The following GHR variants were observed in gnomAD, a reference collection of about 807,000 sequenced individuals.
The protein encoded by GHR is GH receptor.
GHR carries 35 observed loss-of-function variants against 67.1 expected under a neutral mutation model. That is an observed-to-expected ratio of 0.52 (90% CI 0.40 to 0.69). The LOEUF (loss-of-function observed/expected upper bound fraction) is 0.69. Among genes scored for constraint, GHR ranks in the 30% least tolerant of loss-of-function variants. The probability of loss-of-function intolerance (pLI) is 0.00; values close to 1 mark genes in which losing one functional copy is unlikely to be tolerated. For synonymous variants in GHR, 272 were observed against 269.1 expected, an observed-to-expected ratio of 1.01 and a Z score of -0.10; for missense variants, 792 against 764.6, an observed-to-expected ratio of 1.04 and a Z score of -0.42.
At chr5:42,674,621 T>A (rs1756478971) in intron 3 of GHR, among the ~76,000 whole-genome samples, 1 of 152,200 alleles carries the variant, frequency 6.6e-6, no homozygotes, top group Admixed American at 6.5e-5. Flanking sequence ...GCCTTTTATG[T>A]CTGACTTCTA....
At position 42,444,982 on chromosome 5, in the gene GHR, T is replaced by C. The variant is rs550012202; in HGVS notation, c.-12+21027T>C. Among the ~76,000 whole-genome samples the C allele has an allele frequency of 1.6e-4, 24 of 152,322 alleles. No individual in the cohort carries two copies. In the South Asian group the frequency reaches 5.0e-3, roughly 32 times the overall value. Reference sequence around the variant, plus strand: ...AGGATCTATGTCTACAGCCTCCCCTTTAGCCTCACTCCAGTATCTTGCAGG... The same window carrying C: ...AGGATCTATGTCTACAGCCTCCCCTCTAGCCTCACTCCAGTATCTTGCAGG... On this transcript the variant is annotated intron_variant, in intron 1 of 9. Transcript: ENST00000230882.
rs1390119357 is a variant in GHR, at chr5:42,468,736, C to A, written c.-12+44781C>A. The A allele has an allele frequency of 3.0e-6, 3 of 1,002,940 alleles. No individual in the cohort carries two copies. In the East Asian group the frequency reaches 7.5e-5, roughly 25 times the overall value. 62.1% of individuals were successfully genotyped at this position (1,002,940 alleles called of 1,614,324 possible). A position where few individuals can be genotyped will look rare whatever the true frequency, so the allele number is the denominator to read the frequency against. Reference sequence around the variant, plus strand: ...GCCGCTCTTGGCCCCAGAGACGCCGCCCCCGCCAGCTTCTTTTTTCTTGTT... The same window carrying A: ...GCCGCTCTTGGCCCCAGAGACGCCGACCCCGCCAGCTTCTTTTTTCTTGTT... On this transcript the variant is annotated intron_variant, in intron 1 of 9. Transcript: ENST00000230882.
Position 42,424,471 on chromosome 5 carries a change from A to G in GHR, c.-12+516A>G, listed in dbSNP as rs1262077007. On this transcript the variant is annotated intron_variant, in intron 1 of 9. Coordinates refer to ENST00000230882, the MANE Select transcript of GHR (RefSeq NM_000163.5). This position sits in a 1 kb window ranked among gnomAD's most constrained non-coding sequence, Gnocchi z 4.1. ...GCGACTGGAGAGACTGGGGAGGTCGAGCTGTGCGCGTGGACACAGCGCGCA... is the reference window on the plus strand; with the variant it reads ...GCGACTGGAGAGACTGGGGAGGTCGGGCTGTGCGCGTGGACACAGCGCGCA... 1 of 811,208 alleles carries G rather than the reference A, an allele frequency of 1.2e-6. No individual in the cohort carries two copies. Among genetic ancestry groups the G allele is most frequent in the South Asian group, 1.5e-5 (1 of 67,902 alleles). The allele number at this position is 811,208 out of a possible 1,614,324, so 50.3% of individuals were successfully genotyped here.
rs1326826178 is a variant in GHR at position 42,570,966 on chromosome 5, C to T, written c.70+5022C>T. On this transcript the variant is annotated intron_variant, in intron 2 of 9. Transcript: ENST00000230882. ...TGATAAAAAATAGATGGATCACAAA[C>T]ACGGGGATGTTAAGAAGACAGAATT... Among the ~76,000 whole-genome samples, 3 of 152,132 alleles carry T rather than the reference C, an allele frequency of 2.0e-5. No homozygotes were observed. In the East Asian group the frequency reaches 5.8e-4, roughly 29 times the overall value.
chr5:42,690,408 A>C (rs1213473987), intron 4 of GHR, among the ~76,000 whole-genome samples: 1 of 152,226 alleles, frequency 6.6e-6, no homozygotes, highest in Non-Finnish European at 1.5e-5. Flanking sequence ...GAGATAACCC[A>C]TGAAAAATAC....
intron 1 of GHR, among the ~76,000 whole-genome samples, chr5:42,469,770 A>G (rs1744914024): frequency 1.3e-5 from 2 of 152,296 alleles, no homozygotes; most frequent in African/African-American, 4.8e-5. Context: ...CCAGAACAAA[A>G]GCATAAGCTG....
At chr5:42,691,483 T>C (rs1375213173) in intron 4 of GHR, among the ~76,000 whole-genome samples, 1 of 152,170 alleles carries the variant, frequency 6.6e-6, no homozygotes, top group Non-Finnish European at 1.5e-5. Flanking sequence ...GAGAAGACAA[T>C]ACAAATGCAC....
intron 2 of GHR, among the ~76,000 whole-genome samples, chr5:42,579,906 G>GTT (rs920406816): frequency 5.5e-5 from 8 of 146,156 alleles, no homozygotes; most frequent in African/African-American, 2.0e-4. Flanking sequence ...ATGCCATGCT[G>GTT]TTTTTTTTTT....
At position 42,573,800 on chromosome 5, in the gene GHR, T is replaced by C. The variant is rs138858380; in HGVS notation, c.70+7856T>C. 2.0e-5 allele frequency among the ~76,000 whole-genome samples: 3 copies of C among 152,338 alleles called. No individual in the cohort carries two copies. In the East Asian group the frequency reaches 5.8e-4, roughly 29 times the overall value. ...TCTCAAGGTTAAAAGTCAATTTATA[T>C]TAATAAAATCTTTAATTTCTTGATT... On this transcript the variant is annotated intron_variant, in intron 2 of 9. Coordinates refer to ENST00000230882, the MANE Select transcript of GHR (RefSeq NM_000163.5).
At chr5:42,692,095 A>C (rs1757447912) in intron 4 of GHR, among the ~76,000 whole-genome samples, 1 of 152,198 alleles carries the variant, frequency 6.6e-6, no homozygotes, top group Non-Finnish European at 1.5e-5. Flanking sequence ...TTTTCTATAC[A>C]AGGTTGTGTG....
intron 1 of GHR, among the ~76,000 whole-genome samples, chr5:42,429,184 A>T (rs1409548944): frequency 1.3e-5 from 2 of 152,204 alleles, no homozygotes; most frequent in African/African-American, 2.4e-5. Context: ...GTGAAGGAGG[A>T]ATAAGGCACT....
intron 1 of GHR, among the ~76,000 whole-genome samples, chr5:42,475,826 C>T (rs1253137893): frequency 6.6e-6 from 1 of 152,118 alleles, no homozygotes; most frequent in Non-Finnish European, 1.5e-5. Context: ...TTTTTCCCCC[C>T]TCTTTAGGGT....
At chr5:42,463,579 G>C (rs1334320316) in intron 1 of GHR, among the ~76,000 whole-genome samples, 2 of 152,300 alleles carry the variant, frequency 1.3e-5, no homozygotes, top group Non-Finnish European at 2.9e-5. Context: ...CATCTTTCTG[G>C]AAATATGAAA....
chr5:42,709,198 A>T (rs1758331858), intron 6 of GHR, among the ~76,000 whole-genome samples: 1 of 152,030 alleles, frequency 6.6e-6, no homozygotes, highest in Non-Finnish European at 1.5e-5. Context: ...CAGTGGCCCA[A>T]TCTCGGCTCA....
At position 42,718,990 on chromosome 5, in the gene GHR, C is replaced by A. The variant is rs6183; in HGVS notation, c.1483C>A (p.Pro495Thr). ...DFYAQVSDIT[P>T]AGSVVLSPGQ... ...TTATGCCCAGGTGAGCGACATTACA[C>A]CAGCAGGTAGTGTGGTCCTTTCCCC... The change falls in exon 10 of 10, where the codon CCA becomes ACA. Residue 495 changes from proline to threonine, a missense_variant. Transcript: ENST00000230882. 1,129 of 1,610,444 alleles carry A rather than the reference C, an allele frequency of 7.0e-4. 13 individuals are homozygous for A. In the East Asian group the frequency reaches 0.021, roughly 30 times the overall value.
At position 42,587,996 on chromosome 5, in the gene GHR, A is replaced by G. The variant is rs149019710; in HGVS notation, c.70+22052A>G. On this transcript the variant is annotated intron_variant, in intron 2 of 9. Coordinates refer to ENST00000230882, the MANE Select transcript of GHR (RefSeq NM_000163.5). ...TGAACTTGTCTTTTCTCCTGGCCAGATATCTGTCTTTGCCAGAGAGGGCTG... is the reference window on the plus strand; with the variant it reads ...TGAACTTGTCTTTTCTCCTGGCCAGGTATCTGTCTTTGCCAGAGAGGGCTG... Among the ~76,000 whole-genome samples the G allele has an allele frequency of 7.2e-5, 11 of 152,312 alleles. No individual in the cohort carries two copies. In the East Asian group the frequency reaches 2.1e-3, roughly 29 times the overall value.
At chr5:42,627,744 G>C (rs1753776224) in intron 2 of GHR, among the ~76,000 whole-genome samples, 1 of 152,214 alleles carries the variant, frequency 6.6e-6, no homozygotes, top group South Asian at 2.1e-4. Context: ...GGGGTGGGGT[G>C]CCTGCAACCC....
At chr5:42,620,626 G>A (rs570250652) in intron 2 of GHR, among the ~76,000 whole-genome samples, 2 of 152,144 alleles carry the variant, frequency 1.3e-5, no homozygotes, top group Admixed American at 1.3e-4. Context: ...TTCTACACAG[G>A]ACTAGAAGGT....
Position 42,630,383 on chromosome 5 carries a change from T to G in GHR, c.136+1280T>G, listed in dbSNP as rs1350136494. Among the ~76,000 whole-genome samples the G allele has an allele frequency of 2.3e-5, 3 of 132,462 alleles. 1 individual carries two copies. Among genetic ancestry groups the G allele is most frequent in the African/African-American group, 9.5e-5 (3 of 31,488 alleles). The allele number at this position is 132,462 out of a possible 152,430, so 86.9% of individuals were successfully genotyped here. A position where few individuals can be genotyped will look rare whatever the true frequency, so the allele number is the denominator to read the frequency against. ...ATAAGGGAAGGGAAGACAGTGTACCTAAATCAGTTAAGATATTGCTATTCT... is the reference window on the plus strand; with the variant it reads ...ATAAGGGAAGGGAAGACAGTGTACCGAAATCAGTTAAGATATTGCTATTCT... On this transcript the variant is annotated intron_variant, in intron 3 of 9. Coordinates refer to ENST00000230882, the MANE Select transcript of GHR (RefSeq NM_000163.5).
Sources: gnomAD v4.1 joint callset for allele counts (sites outside exome capture counted in the v4.1 genomes callset) on GRCh38, gnomAD v4.1.1 for gene constraint, Gnocchi (gnomAD v3.1) non-coding constraint, MANE v1.5 for transcripts, NCBI Gene and HGNC (gene_info 2026-07-23, HGNC 2026-07-21) for gene names.